LRP1B: variants seen among roughly 807,000 people sequenced by gnomAD.
The protein encoded by LRP1B is LDL receptor related protein 1B.
LRP1B carries 217 observed loss-of-function variants against 556.6 expected under a neutral mutation model. That is an observed-to-expected ratio of 0.39 (90% CI 0.35 to 0.44). LRP1B has a LOEUF of 0.44. Among genes scored for constraint, LRP1B ranks in the 20% least tolerant of loss-of-function variants. The pLI, the probability that LRP1B is intolerant of heterozygous loss-of-function variation, is 1.00. For missense variants in LRP1B, 5,053 were observed against 5,620.8 expected (o/e 0.90, Z 3.23); for synonymous variants, 2,047 against 1,865.8 (o/e 1.10, Z -2.50).
chr2:140,945,196 A>T (rs891524478), intron 20 of LRP1B, among the ~76,000 whole-genome samples: 24 of 151,572 alleles, frequency 1.6e-4, no homozygotes, highest in African/African-American at 4.6e-4. Context: ...AACCAAGAAG[A>T]TGCTGAAAGA....
intron 2 of LRP1B, among the ~76,000 whole-genome samples, chr2:141,792,839 A>G (rs1305607483): frequency 1.3e-5 from 2 of 152,004 alleles, no homozygotes; most frequent in African/African-American, 4.8e-5. Flanking sequence ...AAGGGAAAAT[A>G]AATAGTTCAA....
chr2:140,555,024 C>T (rs6430923), intron 43 of LRP1B, among the ~76,000 whole-genome samples: 66,292 of 151,710 alleles, frequency 0.44, 15,285 homozygotes, highest in East Asian at 0.58. Context: ...CAGGATCAAA[C>T]TCATACCTTT....
At chr2:140,934,240 A>G (rs1263718741) in intron 20 of LRP1B, among the ~76,000 whole-genome samples, 1 of 152,178 alleles carries the variant, frequency 6.6e-6, no homozygotes, top group African/African-American at 2.4e-5. Flanking sequence ...TGCTGAGTCT[A>G]TAACACATAA....
intron 32 of LRP1B, among the ~76,000 whole-genome samples, chr2:140,783,295 C>T (rs1689765167): frequency 6.6e-6 from 1 of 151,788 alleles, no homozygotes; most frequent in Non-Finnish European, 1.5e-5. Context: ...AAAAATCAGC[C>T]CTTCATGTCT....
chr2:140,248,869 A>T (rs1681284640), intron 86 of LRP1B, among the ~76,000 whole-genome samples: 1 of 150,822 alleles, frequency 6.6e-6, no homozygotes, highest in Non-Finnish European at 1.5e-5. Flanking sequence ...CATCTGCCAA[A>T]TTTTTCTAAT....
chr2:140,554,028 T>C (rs188136598), intron 43 of LRP1B, among the ~76,000 whole-genome samples: 43 of 152,072 alleles, frequency 2.8e-4, no homozygotes, highest in Admixed American at 2.0e-4. Flanking sequence ...AGAAAAGATA[T>C]GGAAGATACA....
intron 2 of LRP1B, among the ~76,000 whole-genome samples, chr2:141,541,549 T>C (rs1278467063): frequency 1.5e-4 from 23 of 152,068 alleles, no homozygotes; most frequent in Admixed American, 1.5e-3. Flanking sequence ...CCCCTTTTGC[T>C]ATGAACATTC....
At chr2:142,105,474 T>C (rs1449889177) in intron 1 of LRP1B, among the ~76,000 whole-genome samples, 2 of 152,170 alleles carry the variant, frequency 1.3e-5, no homozygotes, top group African/African-American at 4.8e-5. Context: ...GGCTGTATAG[T>C]TCACAAAATG....
At chr2:140,665,333 A>G (rs1685230826) in intron 41 of LRP1B, among the ~76,000 whole-genome samples, 1 of 152,222 alleles carries the variant, frequency 6.6e-6, no homozygotes, top group Admixed American at 6.5e-5. Flanking sequence ...ACTCTATTTC[A>G]AAGAAAAATA....
chr2:141,984,728 T>C lies in LRP1B; in HGVS notation c.82+145920A>G, dbSNP rs541822704. Among the ~76,000 whole-genome samples the C allele has an allele frequency of 3.0e-4, 46 of 152,244 alleles. 1 individual carries two copies. Among genetic ancestry groups the C allele is most frequent in the Non-Finnish European group, 4.1e-4 (28 of 67,988 alleles). ...TCAAGAGAATGTAATTTTTAAAACA[T>C]CGTCTTATTTTCTTATAATCCACTC... On this transcript the variant is annotated intron_variant, in intron 1 of 90. Transcript: ENST00000389484.
chr2:141,349,034 C>A (rs187988022), intron 3 of LRP1B, among the ~76,000 whole-genome samples: 1 of 152,084 alleles, frequency 6.6e-6, no homozygotes, highest in Non-Finnish European at 1.5e-5. Flanking sequence ...TCCATTAAAC[C>A]CTTTTTCTTG....
Position 140,916,781 on chromosome 2 carries a change from C to T in LRP1B, c.3319+6184G>A, listed in dbSNP as rs543983796. On this transcript the variant is annotated intron_variant, in intron 21 of 90. Coordinates refer to ENST00000389484, the MANE Select transcript of LRP1B (RefSeq NM_018557.3). ...ACTTTTCCCCATACTTAGAGACAAA[C>T]AATGACAATAGTTTCTTGTGAATGA... 2.0e-5 allele frequency among the ~76,000 whole-genome samples: 3 copies of T among 152,308 alleles called. No homozygotes were observed. In the South Asian group the frequency reaches 6.2e-4, roughly 32 times the overall value.
intron 18 of LRP1B, among the ~76,000 whole-genome samples, chr2:140,974,472 G>A (rs76412849): frequency 0.11 from 16,893 of 152,072 alleles, 1,022 homozygotes; most frequent in East Asian, 0.19. Flanking sequence ...CAGTGCTTCC[G>A]TCTCCTTATT....
intron 7 of LRP1B, among the ~76,000 whole-genome samples, chr2:141,114,492 T>A (rs13391141): frequency 2.0e-5 from 3 of 152,010 alleles, no homozygotes; most frequent in East Asian, 3.9e-4. Context: ...GAATTTGGCC[T>A]TTCATGGCTG....
chr2:141,108,346 T>C (rs1199173199), intron 7 of LRP1B, among the ~76,000 whole-genome samples: 25,702 of 108,588 alleles, frequency 0.24, 3,156 homozygotes, highest in East Asian at 0.54. Context: ...TTTTTTTTTT[T>C]TTTTTTTTTT....
chr2:140,366,433 C>A (rs752330197), intron 71 of LRP1B, among the ~76,000 whole-genome samples: 1 of 151,546 alleles, frequency 6.6e-6, no homozygotes, highest in Admixed American at 6.6e-5. Flanking sequence ...GTGGTGATGT[C>A]GAGCAAGCTG....
At chr2:141,420,012 T>C (rs1680078303) in intron 3 of LRP1B, among the ~76,000 whole-genome samples, 1 of 152,196 alleles carries the variant, frequency 6.6e-6, no homozygotes, top group Non-Finnish European at 1.5e-5. Context: ...GTTCTGTGTA[T>C]GTTTGTCAGG....
chr2:140,667,853 ATAATAGCAAAAGTTC>A lies in LRP1B; in HGVS notation c.6799+32382_6799+32396del, dbSNP rs1685334608. On this transcript the variant is annotated intron_variant, in intron 41 of 90. Transcript: ENST00000389484. ...AACTTGGCTAATTCTCTTCTACTTT[ATAATAGCAAAAGTTC>A]CTGAAGTCACAAATCATACTGTGTT... Among the ~76,000 whole-genome samples, 4 of 152,156 alleles carry A rather than the reference ATAATAGCAAAAGTTC, an allele frequency of 2.6e-5. No individual in the cohort carries two copies. The South Asian group carries it at 8.3e-4, about 31-fold the overall frequency.
chr2:141,476,752 A>C (rs763332796), intron 3 of LRP1B, among the ~76,000 whole-genome samples: 22 of 152,218 alleles, frequency 1.4e-4, no homozygotes, highest in Non-Finnish European at 1.0e-4. Flanking sequence ...CATCACCCCC[A>C]AAATTTTAAT....
Sources: allele counts gnomAD v4.1 joint callset (sites outside exome capture counted in the v4.1 genomes callset), GRCh38; gene constraint gnomAD v4.1.1; transcripts MANE v1.5; gene names NCBI Gene and HGNC (gene_info 2026-07-23, HGNC 2026-07-21).